SERPINE2: variants seen among roughly 807,000 people sequenced by gnomAD.
SERPINE2 encodes the protein serpin family E member 2.
Under a neutral mutation model 36.3 loss-of-function variants are expected in SERPINE2, and 14 were observed. The observed-to-expected ratio is 0.39, with a 90% CI of 0.25 to 0.60. The LOEUF is 0.60. Ranked by LOEUF, SERPINE2 falls within the 20% of genes least tolerant of loss-of-function variation. The pLI is 0.57. For synonymous variants in SERPINE2, 192 were observed against 191.8 expected (o/e 1.00, Z -0.01); for missense variants, 418 against 499.6 (o/e 0.84, Z 1.56).
At chr2:224,012,088 C>T (rs1691645139) in intron 1 of SERPINE2, among the ~76,000 whole-genome samples, 1 of 152,194 alleles carries the variant, frequency 6.6e-6, no homozygotes, top group African/African-American at 2.4e-5. Context: ...TACTGGTCTG[C>T]TTGTTAACTG....
At position 223,991,961 on chromosome 2, in the gene SERPINE2, C is replaced by T. The variant is rs779074791; in HGVS notation, c.527G>A (p.Gly176Asp). The T allele has an allele frequency of 1.2e-5, 20 of 1,613,814 alleles. No homozygotes were observed. Among genetic ancestry groups the T allele is most frequent in the Non-Finnish European group, 1.6e-5 (19 of 1,179,876 alleles). ...DNLLSPDLID[G>D]VLTRLVLVNA... ...GACGAGGACCAGTCTGGTGAGCACA[C>T]CATCAATAAGATCTGGGGACAGCAG... The change falls in exon 4 of 9, where the codon GGT (glycine) becomes GAT (aspartate). Residue 176 changes from glycine (G) to aspartate (D), a missense_variant. Physicochemically the swap from Gly to Asp is moderately conservative, Grantham distance 94 (BLOSUM62 -1). Transcript: ENST00000409304.
intron 1 of SERPINE2, among the ~76,000 whole-genome samples, chr2:224,034,112 C>A (rs1692463199): frequency 6.6e-6 from 1 of 152,052 alleles, no homozygotes. Flanking sequence ...GGCCACACAC[C>A]ACCGCTGGTG....
At chr2:224,005,819 A>T (rs1374549950) in intron 1 of SERPINE2, among the ~76,000 whole-genome samples, 1 of 152,190 alleles carries the variant, frequency 6.6e-6, no homozygotes, top group South Asian at 2.1e-4. Context: ...TTGCTTGAAT[A>T]TTGTTTCACA....
At chr2:223,990,901 C>G (rs927323383) in intron 4 of SERPINE2, among the ~76,000 whole-genome samples, 5 of 152,110 alleles carry the variant, frequency 3.3e-5, no homozygotes, top group Non-Finnish European at 5.9e-5. Flanking sequence ...TAGCTTGAGT[C>G]CAAGAGGTCG....
At chr2:224,027,035 C>A (rs1487641414) in intron 1 of SERPINE2, among the ~76,000 whole-genome samples, 2 of 152,170 alleles carry the variant, frequency 1.3e-5, no homozygotes, top group African/African-American at 4.8e-5. Context: ...AAAATGAGGA[C>A]GGTTGTGCCC....
intron 3 of SERPINE2, among the ~76,000 whole-genome samples, chr2:223,994,478 G>A (rs1162381329): frequency 1.3e-5 from 2 of 152,272 alleles, no homozygotes; most frequent in East Asian, 3.9e-4. Flanking sequence ...TCATCCGTCC[G>A]TCCATCCATC....
chr2:223,992,628 G>T (rs1690721410), intron 3 of SERPINE2, among the ~76,000 whole-genome samples: 1 of 152,174 alleles, frequency 6.6e-6, no homozygotes, highest in East Asian at 1.9e-4. Context: ...TATGGGTCAG[G>T]CATCAAGCAA....
chr2:223,990,379 T>C (rs763629218), intron 4 of SERPINE2, among the ~76,000 whole-genome samples: 6 of 152,204 alleles, frequency 3.9e-5, no homozygotes, highest in Non-Finnish European at 8.8e-5. Flanking sequence ...AATGAAAAGC[T>C]ACCCTGACAT....
At position 223,998,217 on chromosome 2, in the gene SERPINE2, T is replaced by C. The variant is rs1025782911; in HGVS notation, c.385A>G (p.Arg129Gly). 6.2e-7 allele frequency: 1 copy of C among 1,613,978 alleles called. No individual in the cohort carries two copies. The highest frequency in any genetic ancestry group is 8.5e-7 in the Non-Finnish European group (1 of 1,179,930). The change falls in exon 3 of 9, where the codon AGG becomes GGG. Residue 129 changes from arginine to glycine, a missense_variant. Physicochemically the swap from Arg to Gly is moderately radical, Grantham distance 125 (BLOSUM62 -2). Coordinates refer to ENST00000409304, the MANE Select transcript of SERPINE2 (RefSeq NM_001136528.2). Reference protein sequence around the residue: ...ASEIEVPFVTRNKDVFQCEVR... With the variant: ...ASEIEVPFVTGNKDVFQCEVR... The stretch of plus-strand genomic sequence containing the variant: ...TCACACTGGAACACATCTTTGTTCC[T>C]TGTAACAAAAGGCACTTCAATTTCA...
chr2:224,013,931 A>T (rs1056869841), intron 1 of SERPINE2: 1 of 152,432 alleles, frequency 6.6e-6, no homozygotes, highest in Non-Finnish European at 1.5e-5. Flanking sequence ...TCTCAACAGG[A>T]TGTAGATGAA....
At chr2:223,988,235 T>C (rs1255838447) in intron 4 of SERPINE2, among the ~76,000 whole-genome samples, 1 of 152,194 alleles carries the variant, frequency 6.6e-6, no homozygotes, top group Non-Finnish European at 1.5e-5. Flanking sequence ...AGTGATGTGA[T>C]CAGGGCTCAC....
chr2:223,986,924 G>A (rs897914074), intron 4 of SERPINE2, among the ~76,000 whole-genome samples: 32 of 152,228 alleles, frequency 2.1e-4, no homozygotes, highest in African/African-American at 7.7e-4. Context: ...ACATACGCAT[G>A]CTTACCTTTA....
chr2:224,002,357 A>C (rs1238546863), intron 1 of SERPINE2, among the ~76,000 whole-genome samples: 1 of 152,190 alleles, frequency 6.6e-6, no homozygotes, highest in Non-Finnish European at 1.5e-5. Flanking sequence ...TTTAAGACAG[A>C]ACAGTGTAAT....
At chr2:224,017,598 A>G (rs1296301014) in intron 1 of SERPINE2, among the ~76,000 whole-genome samples, 1 of 152,200 alleles carries the variant, frequency 6.6e-6, no homozygotes, top group Non-Finnish European at 1.5e-5. Flanking sequence ...GGTTCCTAAG[A>G]CAAACCACCC....
intron 1 of SERPINE2, among the ~76,000 whole-genome samples, chr2:224,027,296 C>T (rs1692218403): frequency 2.1e-5 from 3 of 145,874 alleles, no homozygotes. Context: ...GGCTATCAGC[C>T]TCTCACGTGG....
Position 224,025,997 on chromosome 2 carries a change from C to T in SERPINE2, c.-23+13102G>A, listed in dbSNP as rs149733083. ...TTTCCTAGCCTTCAAGGTAGGTGGG[C>T]GTGACCATAAGGCTGAACTGTTCTT... On this transcript the variant is annotated intron_variant, in intron 1 of 8. Transcript: ENST00000409304. Among the ~76,000 whole-genome samples the T allele has an allele frequency of 3.7e-3, 568 of 152,312 alleles. 4 individuals are homozygous for T. The highest frequency in any genetic ancestry group is 0.013 in the African/African-American group (543 of 41,576).
intron 1 of SERPINE2, among the ~76,000 whole-genome samples, chr2:224,022,028 G>C (rs1195003966): frequency 6.6e-6 from 1 of 151,796 alleles, no homozygotes; most frequent in Non-Finnish European, 1.5e-5. Flanking sequence ...GCATGGTGGC[G>C]GGCGCCTGTA....
intron 1 of SERPINE2, among the ~76,000 whole-genome samples, chr2:224,032,189 T>A (rs919367349): frequency 4.6e-5 from 7 of 152,214 alleles, no homozygotes; most frequent in Non-Finnish European, 7.3e-5. Flanking sequence ...GAAGCAAACA[T>A]TGCCTTTATT....
At chr2:224,012,126 A>G (rs1691647241) in intron 1 of SERPINE2, among the ~76,000 whole-genome samples, 4 of 152,158 alleles carry the variant, frequency 2.6e-5, no homozygotes, top group Non-Finnish European at 5.9e-5. Flanking sequence ...ATGAGCTCTG[A>G]GTGTGGGACT....
Sources: allele counts gnomAD v4.1 joint callset (sites outside exome capture counted in the v4.1 genomes callset), GRCh38; gene constraint gnomAD v4.1.1; transcripts MANE v1.5; gene names NCBI Gene and HGNC (gene_info 2026-07-23, HGNC 2026-07-21).